The following CD6 variants were observed in gnomAD, a reference collection of about 807,000 sequenced individuals.
CD6 encodes T-cell differentiation antigen CD6.
CD6 carries 53 observed loss-of-function variants against 75.3 expected under a neutral mutation model. That is an observed-to-expected ratio of 0.70 (90% CI 0.56 to 0.88). The LOEUF (loss-of-function observed/expected upper bound fraction) is 0.88. Ranked by LOEUF, CD6 falls within the 40% of genes least tolerant of loss-of-function variation. CD6 has a pLI of 0.00. For synonymous variants in CD6, 359 were observed against 381.5 expected (o/e 0.94, Z 0.69); for missense variants, 770 against 897.1 (o/e 0.86, Z 1.81).
At chr11:61,003,125 C>T (rs541135565) in intron 1 of CD6, among the ~76,000 whole-genome samples, 1 of 152,252 alleles carries the variant, frequency 6.6e-6, no homozygotes, top group South Asian at 2.1e-4. Flanking sequence ...CCACCACACC[C>T]GACTAATTTT....
Position 61,018,004 on chromosome 11 carries a change from G to A in CD6, c.1828G>A (p.Ala610Thr). The A allele has an allele frequency of 6.2e-7, 1 of 1,611,102 alleles. No homozygotes were observed. Among genetic ancestry groups the A allele is most frequent in the South Asian group, 1.1e-5 (1 of 91,002 alleles). Residue 610 changes from alanine (A) to threonine (T), a missense_variant, in exon 11 of 13, where the codon GCC (alanine) becomes ACC (threonine). Transcript: ENST00000313421. ...CTTGGAGCTGGCCGGCACCCAGCCA[G>A]CCTTTTCAGGTAAGCTGTGCCTCCC... The part of the protein sequence containing the change: ...PNLELAGTQP[A>T]FSAGPPADDS...
chr11:60,982,145 A>ACAGCAGATGC (rs1857595522), intron 1 of CD6, among the ~76,000 whole-genome samples: 2 of 139,418 alleles, frequency 1.4e-5, no homozygotes, highest in African/African-American at 2.8e-5. Context: ...GGGGCTGGGG[A>ACAGCAGATGC]CCAGGGTCAT....
intron 1 of CD6, among the ~76,000 whole-genome samples, chr11:60,972,724 C>T (rs1339009567): frequency 6.6e-6 from 1 of 152,116 alleles, no homozygotes; most frequent in Non-Finnish European, 1.5e-5. Flanking sequence ...GAGTCTGGGT[C>T]CACCTTGCAG....
chr11:61,015,636 C>G, intron 8 of CD6, 77 bp from the exon 9 acceptor site: 5 of 1,549,946 alleles, frequency 3.2e-6, no homozygotes, highest in Non-Finnish European at 4.4e-6. Context: ...TCACCTCTGC[C>G]GTTCATACTC....
intron 1 of CD6, among the ~76,000 whole-genome samples, chr11:60,984,432 C>T (rs977368813): frequency 5.9e-5 from 9 of 152,232 alleles, no homozygotes; most frequent in South Asian, 2.1e-4. Context: ...TGTCTTGCCC[C>T]GCCTCGGATA....
intron 1 of CD6, among the ~76,000 whole-genome samples, chr11:60,977,124 C>T (rs1393000372): frequency 1.3e-5 from 2 of 152,084 alleles, no homozygotes; most frequent in Admixed American, 1.3e-4. Context: ...AGAAATGCTG[C>T]CCATGGCCCT....
chr11:60,982,160 G>C lies in CD6; in HGVS notation c.49+10246G>C, dbSNP rs376090581. 3.4e-4 allele frequency among the ~76,000 whole-genome samples: 52 copies of C among 151,924 alleles called. No individual in the cohort carries two copies. The East Asian group carries it at 7.6e-3, about 22-fold the overall frequency. ...GGGGCTGGGGACCAGGGTCATGTGG[G>C]GACACAGGCTGTAAGAGTGACGAGG... On this transcript the variant is annotated intron_variant, in intron 1 of 12. Coordinates refer to ENST00000313421, the MANE Select transcript of CD6 (RefSeq NM_006725.5).
intron 1 of CD6, among the ~76,000 whole-genome samples, chr11:60,979,955 T>C (rs970803199): frequency 6.6e-6 from 1 of 152,166 alleles, no homozygotes; most frequent in African/African-American, 2.4e-5. Context: ...CACCACCCAT[T>C]ACCAGGGACT....
At chr11:60,976,381 T>G (rs3019561) in intron 1 of CD6, among the ~76,000 whole-genome samples, 120,687 of 152,128 alleles carry the variant, frequency 0.79, 48,057 homozygotes, top group East Asian at 0.98. Flanking sequence ...AAATTGAACC[T>G]AAGTCAATTA....
At position 61,017,971 on chromosome 11, in the gene CD6, C is replaced by A; in HGVS notation, c.1795C>A (p.Pro599Thr). ...AGAGAGGAGTTCCTTCCTGGAGCAG[C>A]CCCCAAACTTGGAGCTGGCCGGCAC... is the stretch of plus-strand genomic sequence containing the variant. ...SSERSSFLEQ[P>T]PNLELAGTQP... is the part of the protein sequence containing the mutation. Residue 599 changes from proline to threonine, a missense_variant, in exon 11 of 13, where the codon CCC becomes ACC. By Grantham distance (38) the Pro-to-Thr change is conservative. Transcript: ENST00000313421. 6.2e-7 allele frequency: 1 copy of A among 1,612,828 alleles called. No individual in the cohort carries two copies. The highest frequency in any genetic ancestry group is 1.1e-5 in the South Asian group (1 of 91,044).
At chr11:60,994,948 C>T (rs1460198433) in intron 1 of CD6, among the ~76,000 whole-genome samples, 1 of 152,172 alleles carries the variant, frequency 6.6e-6, no homozygotes, top group African/African-American at 2.4e-5. Context: ...AGCCAGTCAC[C>T]TCTGCAGGCT....
chr11:61,008,358 G>T, intron 3 of CD6, 176 bp from the exon 4 acceptor site: 4 of 624,684 alleles, frequency 6.4e-6, no homozygotes, highest in Non-Finnish European at 1.1e-5. Context: ...CCACCAGCCT[G>T]CGGCTCTACC....
intron 1 of CD6, among the ~76,000 whole-genome samples, chr11:60,993,221 C>T (rs557231066): frequency 3.3e-4 from 49 of 149,232 alleles, no homozygotes; most frequent in Non-Finnish European, 5.0e-4. Context: ...TTTGCAGAGC[C>T]GGGGAAGGGT....
intron 1 of CD6, among the ~76,000 whole-genome samples, chr11:61,002,140 G>A (rs990294990): frequency 1.4e-4 from 21 of 152,134 alleles, no homozygotes; most frequent in African/African-American, 4.6e-4. Flanking sequence ...ACCCATCTGG[G>A]TCTATTTCAT....
At chr11:60,972,320 T>C (rs1857216655) in intron 1 of CD6, among the ~76,000 whole-genome samples, 1 of 152,150 alleles carries the variant, frequency 6.6e-6, no homozygotes, top group Admixed American at 6.5e-5. Context: ...AAGCTGAGGC[T>C]TGGGGTCCAG....
At chr11:61,009,939 A>C in intron 5 of CD6, 65 bp downstream of exon 5, 2 of 1,483,996 alleles carry the variant, frequency 1.3e-6, no homozygotes, top group Non-Finnish European at 1.8e-6. Context: ...ATGTCCTAAA[A>C]ACTTACAGTC....
rs562102309 is a variant in CD6, at chr11:61,008,257, A to G, written c.470-277A>G. 3.9e-4 allele frequency: 190 copies of G among 492,964 alleles called. 1 individual carries two copies. Among genetic ancestry groups the G allele is most frequent in the Non-Finnish European group, 6.8e-5 (19 of 279,002 alleles). The allele number at this position is 492,964 out of a possible 1,614,324, so 30.5% of individuals were successfully genotyped here. On this transcript the variant is annotated intron_variant, in intron 3 of 12. Coordinates refer to ENST00000313421, the MANE Select transcript of CD6 (RefSeq NM_006725.5). ...TCCTCCCCTTTCGCCATATACATAA[A>G]CATGCCAGGTTCACAGGGTCCCTAA...
intron 1 of CD6, among the ~76,000 whole-genome samples, chr11:60,972,240 C>G (rs890152020): frequency 6.6e-6 from 1 of 152,184 alleles, no homozygotes; most frequent in Non-Finnish European, 1.5e-5. Flanking sequence ...CTATTTCTTG[C>G]CAACTCTTAA....
chr11:60,994,272 C>A (rs7944790), intron 1 of CD6, among the ~76,000 whole-genome samples: 2 of 151,800 alleles, frequency 1.3e-5, no homozygotes, highest in East Asian at 3.9e-4. Context: ...GAAACCCTGT[C>A]TCTAGTAAAA....
Sources: allele counts gnomAD v4.1 joint callset (sites outside exome capture counted in the v4.1 genomes callset), GRCh38; gene constraint gnomAD v4.1.1; transcripts MANE v1.5; gene names NCBI Gene and HGNC (gene_info 2026-07-23, HGNC 2026-07-21).